The following FRMD4A variants were observed in gnomAD, a reference collection of about 807,000 sequenced individuals.
The protein encoded by FRMD4A is FERM domain containing 4A.
Under a neutral mutation model 129.1 loss-of-function variants are expected in FRMD4A, and 29 were observed. That is an observed-to-expected ratio of 0.22 (90% CI 0.17 to 0.31). The LOEUF (loss-of-function observed/expected upper bound fraction) is 0.31. Ranked by LOEUF, FRMD4A falls within the 10% of genes least tolerant of loss-of-function variation. The pLI is 1.00. For synonymous variants in FRMD4A, 634 were observed against 571.6 expected (o/e 1.11, Z -1.56); for missense variants, 1,272 against 1,375.8 (o/e 0.92, Z 1.19).
In FRMD4A at chr10:13,714,252, G is replaced by A. The variant is rs7909100; in HGVS notation, c.760-7139C>T. The stretch of plus-strand genomic sequence containing the variant: ...TAATTTTTGTATTTTTAGTAGAGAC[G>A]GGGTTTCATCATGTTGGCCAGGCTG... On this transcript the variant is annotated intron_variant, in intron 12 of 24. Transcript: ENST00000357447. Among the ~76,000 whole-genome samples the A allele has an allele frequency of 7.5e-3, 1,121 of 150,112 alleles. 15 individuals are homozygous for A. The highest frequency in any genetic ancestry group is 0.026 in the African/African-American group (1,069 of 40,808).
intron 5 of FRMD4A, 105 bp from the exon 6 acceptor site, chr10:13,783,111 T>C: frequency 2.9e-6 from 2 of 695,660 alleles, no homozygotes; most frequent in Admixed American, 4.4e-5. Flanking sequence ...TTCCCCATCC[T>C]AAATAAACAA....
intron 3 of FRMD4A, among the ~76,000 whole-genome samples, chr10:13,839,994 C>T (rs932765086): frequency 3.5e-4 from 54 of 152,210 alleles, no homozygotes; most frequent in African/African-American, 1.1e-3. Flanking sequence ...GAGTGAGGCC[C>T]ATGGCTGTCT....
chr10:14,187,992 G>C (rs1564373892), intron 2 of FRMD4A, among the ~76,000 whole-genome samples: 1 of 152,114 alleles, frequency 6.6e-6, no homozygotes, highest in South Asian at 2.1e-4. Context: ...GTCCTATTGG[G>C]AAGGTATCTC....
At chr10:13,652,166 T>C in intron 23 of FRMD4A, 192 bp from the exon 24 acceptor site, 1 of 604,836 alleles carries the variant, frequency 1.7e-6, no homozygotes, top group Non-Finnish European at 3.0e-6. Flanking sequence ...AATACCTAGT[T>C]TGTTAGGAGG....
chr10:14,240,207 C>T (rs567373067), intron 2 of FRMD4A, among the ~76,000 whole-genome samples: 5 of 152,146 alleles, frequency 3.3e-5, no homozygotes, highest in Non-Finnish European at 7.4e-5. Flanking sequence ...AGGATGGTTA[C>T]GTAGTAAATC....
chr10:13,872,901 A>G (rs1183988170), intron 2 of FRMD4A, among the ~76,000 whole-genome samples: 6 of 152,104 alleles, frequency 3.9e-5, no homozygotes, highest in Admixed American at 3.9e-4. Flanking sequence ...GGATAGTTAG[A>G]TGGAGCCTGG....
chr10:14,299,180 T>C (rs1480491355), intron 2 of FRMD4A, among the ~76,000 whole-genome samples: 1 of 152,186 alleles, frequency 6.6e-6, no homozygotes. Context: ...GAGCTAAGGA[T>C]ATCCCATTCT....
In FRMD4A at chr10:14,235,269, C is replaced by T. The variant is rs1429406734; in HGVS notation, c.45+94789G>A. 4.5e-5 allele frequency among the ~76,000 whole-genome samples: 6 copies of T among 134,034 alleles called. 1 individual carries two copies. Among genetic ancestry groups the T allele is most frequent in the Non-Finnish European group, 9.9e-5 (6 of 60,682 alleles). The allele number at this position is 134,034 out of a possible 152,430, so 87.9% of individuals were successfully genotyped here. A position where few individuals can be genotyped will look rare whatever the true frequency, so the allele number is the denominator to read the frequency against. Reference sequence around the variant, plus strand: ...GGTTCACGCCATTCTCCGGCCTCAGCCTCCCGAGCAGCTGAGTCCCTGGTG... The same window carrying T: ...GGTTCACGCCATTCTCCGGCCTCAGTCTCCCGAGCAGCTGAGTCCCTGGTG... On this transcript the variant is annotated intron_variant, in intron 2 of 24. Transcript: ENST00000357447.
Position 13,780,655 on chromosome 10 carries a change from C to T in FRMD4A, c.384+2267G>A, listed in dbSNP as rs563553821. ...TACACCTCACACCCATTGGGATGGT[C>T]ATCAATTTAATAAAGCAAAATAGAA... On this transcript the variant is annotated intron_variant, in intron 6 of 24. Transcript: ENST00000357447. 6.6e-5 allele frequency among the ~76,000 whole-genome samples: 10 copies of T among 152,258 alleles called. No individual in the cohort carries two copies. In the South Asian group the frequency reaches 2.1e-3, roughly 32 times the overall value.
intron 12 of FRMD4A, chr10:13,727,731 C>G (rs115709748): frequency 6.6e-6 from 1 of 152,282 alleles, no homozygotes; most frequent in African/African-American, 2.4e-5. Context: ...CCCCTCCTGA[C>G]CAGCCATCAC....
chr10:13,676,246 G>A (rs989116798), intron 15 of FRMD4A, among the ~76,000 whole-genome samples: 1 of 151,854 alleles, frequency 6.6e-6, no homozygotes, highest in African/African-American at 2.4e-5. Flanking sequence ...GGGAAAAGCT[G>A]ATTATAACTT....
intron 2 of FRMD4A, among the ~76,000 whole-genome samples, chr10:14,215,390 T>C (rs186126861): frequency 6.6e-6 from 1 of 152,266 alleles, no homozygotes; most frequent in African/African-American, 2.4e-5. Context: ...AATTGCAAGG[T>C]ATTGTTAAAA....
intron 2 of FRMD4A, among the ~76,000 whole-genome samples, chr10:14,114,310 C>A (rs561378550): frequency 1.4e-4 from 21 of 152,244 alleles, no homozygotes; most frequent in Admixed American, 2.6e-4. Context: ...GCTTAAGGAG[C>A]CTCATTTGAG....
At chr10:14,234,058 G>A in intron 2 of FRMD4A, among the ~76,000 whole-genome samples, 1 of 152,130 alleles carries the variant, frequency 6.6e-6, no homozygotes, top group East Asian at 1.9e-4. Flanking sequence ...CTAATGTATT[G>A]CCTCCCAAGA....
intron 12 of FRMD4A, among the ~76,000 whole-genome samples, chr10:13,715,976 T>C (rs1472088750): frequency 1.3e-5 from 2 of 152,066 alleles, no homozygotes; most frequent in African/African-American, 4.8e-5. Flanking sequence ...ACCAATATTA[T>C]TGTTCAAGTA....
chr10:13,960,693 G>A (rs938079380), intron 2 of FRMD4A, among the ~76,000 whole-genome samples: 8 of 152,184 alleles, frequency 5.3e-5, no homozygotes, highest in Non-Finnish European at 1.2e-4. Flanking sequence ...TGTCTGGGAT[G>A]GGTTGACCGG....
intron 4 of FRMD4A, among the ~76,000 whole-genome samples, chr10:13,801,657 G>C (rs575207552): frequency 6.6e-6 from 1 of 152,292 alleles, no homozygotes; most frequent in South Asian, 2.1e-4. Flanking sequence ...GGATTAAAAA[G>C]CAAACTGGAA....
At chr10:13,978,463 G>A (rs930343924) in intron 2 of FRMD4A, among the ~76,000 whole-genome samples, 2 of 152,000 alleles carry the variant, frequency 1.3e-5, no homozygotes, top group Non-Finnish European at 2.9e-5. Flanking sequence ...AAATATTTTT[G>A]GAAGTTACCA....
At chr10:13,833,261 A>G (rs1307761965) in intron 3 of FRMD4A, among the ~76,000 whole-genome samples, 1 of 152,200 alleles carries the variant, frequency 6.6e-6, no homozygotes, top group East Asian at 1.9e-4. Context: ...TCATGGTGGA[A>G]GAGCAAGAGA....
Sources: gnomAD v4.1 joint callset for allele counts (sites outside exome capture counted in the v4.1 genomes callset) on GRCh38, gnomAD v4.1.1 for gene constraint, MANE v1.5 for transcripts, NCBI Gene and HGNC (gene_info 2026-07-23, HGNC 2026-07-21) for gene names.